Variants in NTRK2 observed in about 807,000 individuals in gnomAD.
NTRK2 encodes neurotrophic receptor tyrosine kinase 2, also known as BDNF/NT-3 growth factors receptor.
In NTRK2, 13 loss-of-function variants were observed where a neutral mutation model predicts 94.5. The observed-to-expected ratio is 0.14, with a 90% confidence interval of 0.09 to 0.22. NTRK2 has a LOEUF of 0.22. Ranked by LOEUF, NTRK2 falls within the 10% of genes least tolerant of loss-of-function variation. The probability of loss-of-function intolerance (pLI) is 1.00; values close to 1 mark genes in which losing one functional copy is unlikely to be tolerated. For missense variants in NTRK2, 639 were observed against 1,071.2 expected (o/e 0.60, Z 5.63); for synonymous variants, 372 against 407.4 (o/e 0.91, Z 1.05).
chr9:84,757,442 G>A (rs1237180093), intron 12 of NTRK2, among the ~76,000 whole-genome samples: 1 of 152,112 alleles, frequency 6.6e-6, no homozygotes, highest in African/African-American at 2.4e-5. Context: ...TTTGCCTTGC[G>A]GATTTTTCTT....
At chr9:84,856,618 G>A (rs967471929) in intron 12 of NTRK2, among the ~76,000 whole-genome samples, 12 of 152,082 alleles carry the variant, frequency 7.9e-5, no homozygotes, top group African/African-American at 1.5e-4. Context: ...AAAGCAGCCC[G>A]GGGACTCCTC....
intron 17 of NTRK2, among the ~76,000 whole-genome samples, chr9:85,011,922 C>A (rs992569125): frequency 1.0e-4 from 15 of 146,188 alleles, no homozygotes; most frequent in Non-Finnish European, 2.3e-4. Flanking sequence ...GCCTGACCTA[C>A]CCCACAGGAC....
At chr9:84,990,831 G>A (rs1828963268) in intron 17 of NTRK2, among the ~76,000 whole-genome samples, 1 of 152,184 alleles carries the variant, frequency 6.6e-6, no homozygotes, top group Non-Finnish European at 1.5e-5. Context: ...AAAGAACAGA[G>A]GGGAATGAAT....
At chr9:84,998,175 G>C (rs1477782404) in intron 17 of NTRK2, among the ~76,000 whole-genome samples, 1 of 152,198 alleles carries the variant, frequency 6.6e-6, no homozygotes, top group Non-Finnish European at 1.5e-5. Flanking sequence ...CCATCAAACA[G>C]GCTTTCCTGA....
At chr9:84,778,547 TTC>T (rs1213610024) in intron 12 of NTRK2, among the ~76,000 whole-genome samples, 2 of 152,196 alleles carry the variant, frequency 1.3e-5, no homozygotes, top group Admixed American at 1.3e-4. Flanking sequence ...ATGGTAAATC[TTC>T]TCTGCACTAA....
intron 12 of NTRK2, among the ~76,000 whole-genome samples, chr9:84,854,102 GA>G (rs529228599): frequency 1.8e-4 from 26 of 145,538 alleles, no homozygotes; most frequent in African/African-American, 4.0e-4. Context: ...AAAGAAAAAA[GA>G]AAAAAAAAAG....
intron 14 of NTRK2, among the ~76,000 whole-genome samples, chr9:84,871,457 G>A (rs2075863051): frequency 6.6e-6 from 1 of 152,148 alleles, no homozygotes; most frequent in Non-Finnish European, 1.5e-5. Context: ...TAGACTTGAA[G>A]GATCAATGAA....
In NTRK2 at chr9:84,958,867, G is replaced by A. The variant is rs114979236; in HGVS notation, c.2172+3350G>A. The stretch of plus-strand genomic sequence containing the variant: ...GGAGATGTTTGCTTATTGACATATC[G>A]ATGGGGCCCATTCTGTTGAGTTTGT... On this transcript the variant is annotated intron_variant, in intron 17 of 18. Transcript: ENST00000277120. 3.3e-3 allele frequency among the ~76,000 whole-genome samples: 509 copies of A among 152,152 alleles called. 2 individuals carry two copies. Among genetic ancestry groups the A allele is most frequent in the African/African-American group, 0.011 (461 of 41,500 alleles).
chr9:84,784,405 C>T (rs1261878374), intron 12 of NTRK2, among the ~76,000 whole-genome samples: 2 of 152,182 alleles, frequency 1.3e-5, no homozygotes, highest in African/African-American at 4.8e-5. Context: ...CCAGTCCTCA[C>T]CTTTCTTTGC....
At chr9:84,799,991 G>A (rs1341900032) in intron 12 of NTRK2, among the ~76,000 whole-genome samples, 1 of 152,134 alleles carries the variant, frequency 6.6e-6, no homozygotes, top group African/African-American at 2.4e-5. Flanking sequence ...ATCTTCTGAA[G>A]GGGCTTTGTG....
intron 12 of NTRK2, among the ~76,000 whole-genome samples, chr9:84,786,842 TGA>T (rs2068163162): frequency 6.6e-6 from 1 of 152,170 alleles, no homozygotes; most frequent in African/African-American, 2.4e-5. Flanking sequence ...GAATTTTGCA[TGA>T]GTGATCCTGA....
At chr9:84,686,317 C>T (rs1360082255) in intron 2 of NTRK2, among the ~76,000 whole-genome samples, 5 of 152,254 alleles carry the variant, frequency 3.3e-5, no homozygotes, top group Admixed American at 6.5e-5. Context: ...AGGATGAGGG[C>T]GTTCTGCAGA....
chr9:84,919,435 G>A (rs1438175711), intron 14 of NTRK2, among the ~76,000 whole-genome samples: 1 of 152,156 alleles, frequency 6.6e-6, no homozygotes, highest in Non-Finnish European at 1.5e-5. Flanking sequence ...CTTGTGTACA[G>A]AATATTGAAC....
At chr9:84,997,310 G>C (rs1829871079) in intron 17 of NTRK2, among the ~76,000 whole-genome samples, 1 of 152,124 alleles carries the variant, frequency 6.6e-6, no homozygotes, top group Admixed American at 6.5e-5. Flanking sequence ...TGGGGGTCAA[G>C]AAGAAGTTAA....
intron 12 of NTRK2, among the ~76,000 whole-genome samples, chr9:84,778,551 C>T (rs748862101): frequency 2.6e-5 from 4 of 152,224 alleles, no homozygotes; most frequent in African/African-American, 7.2e-5. Flanking sequence ...TAAATCTTCT[C>T]TGCACTAATG....
intron 14 of NTRK2, among the ~76,000 whole-genome samples, chr9:84,917,407 G>A (rs1342776846): frequency 6.6e-6 from 1 of 152,172 alleles, no homozygotes; most frequent in East Asian, 1.9e-4. Context: ...AGTGGAAGGA[G>A]CACTGGGCCG....
chr9:84,825,543 T>C (rs925285263), intron 12 of NTRK2, among the ~76,000 whole-genome samples: 8 of 152,178 alleles, frequency 5.3e-5, no homozygotes, highest in Non-Finnish European at 1.0e-4. Context: ...AGTCTTAGAT[T>C]TGTCCTCATT....
chr9:84,873,045 G>A, intron 14 of NTRK2: 1 of 1,063,738 alleles, frequency 9.4e-7, no homozygotes, highest in Non-Finnish European at 1.1e-6. Flanking sequence ...CAGGACCCCA[G>A]AAGCTCATTA....
intron 12 of NTRK2, among the ~76,000 whole-genome samples, chr9:84,821,336 C>T (rs1245133050): frequency 4.3e-5 from 4 of 92,164 alleles, no homozygotes; most frequent in Non-Finnish European, 1.0e-4. Context: ...CACACACACA[C>T]ACACACACAC....
Sources: gnomAD v4.1 joint callset for allele counts (sites outside exome capture counted in the v4.1 genomes callset) on GRCh38, gnomAD v4.1.1 for gene constraint, MANE v1.5 for transcripts, NCBI Gene and HGNC (gene_info 2026-07-23, HGNC 2026-07-21) for gene names.